CADPS2: variants seen among roughly 807,000 people sequenced by gnomAD.
CADPS2 encodes calcium-dependent secretion activator 2.
In CADPS2, 93 loss-of-function variants were observed where a neutral mutation model predicts 172.5. The observed-to-expected ratio is 0.54, with a 90% confidence interval of 0.46 to 0.64. CADPS2 has a LOEUF of 0.64. Ranked by LOEUF, CADPS2 falls within the 30% of genes least tolerant of loss-of-function variation. The pLI is 0.00. For missense variants in CADPS2, 1,420 were observed against 1,565.9 expected, an observed-to-expected ratio of 0.91 and a Z score of 1.57; for synonymous variants, 546 against 555.2, an observed-to-expected ratio of 0.98 and a Z score of 0.23.
intron 2 of CADPS2, among the ~76,000 whole-genome samples, chr7:122,732,433 C>A (rs1053995871): frequency 1.3e-5 from 2 of 150,070 alleles, no homozygotes; most frequent in African/African-American, 4.9e-5. Context: ...AAATAGCAAT[C>A]ATAAAGCTGA....
intron 1 of CADPS2, among the ~76,000 whole-genome samples, chr7:122,776,944 A>G (rs577769757): frequency 2.6e-4 from 40 of 152,258 alleles, no homozygotes; most frequent in Middle Eastern, 3.4e-3. Context: ...TGAGCCCAGG[A>G]AAAGGAGACC....
chr7:122,428,524 G>A lies in CADPS2; in HGVS notation c.2476+9817C>T, dbSNP rs567298394. Among the ~76,000 whole-genome samples the A allele has an allele frequency of 7.9e-4, 118 of 150,160 alleles. 2 individuals are homozygous for A. Among genetic ancestry groups the A allele is most frequent in the African/African-American group, 2.8e-3 (113 of 40,884 alleles). ...CTGTTGTTGCCCAGGCTGGAGTACA[G>A]TGGCGCAATCACGGCTCACTGCAAC... On this transcript the variant is annotated intron_variant, in intron 17 of 29. Transcript: ENST00000449022.
At chr7:122,722,395 A>G (rs2090528781) in intron 2 of CADPS2, among the ~76,000 whole-genome samples, 1 of 149,512 alleles carries the variant, frequency 6.7e-6, no homozygotes, top group Admixed American at 6.6e-5. Flanking sequence ...TTCTACACCA[A>G]TAACAGACAA....
chr7:122,741,479 T>A (rs1348022072), intron 1 of CADPS2, among the ~76,000 whole-genome samples: 1 of 152,190 alleles, frequency 6.6e-6, no homozygotes, highest in Non-Finnish European at 1.5e-5. Flanking sequence ...TATGAAGCAC[T>A]GTGAATACCT....
At chr7:122,493,720 CTTTTTTT>C (rs10544810) in intron 9 of CADPS2, among the ~76,000 whole-genome samples, 11 of 131,580 alleles carry the variant, frequency 8.4e-5, no homozygotes, top group Admixed American at 6.8e-4. Flanking sequence ...TATGTTTAAT[CTTTTTTT>C]TTTTTTTTTT....
chr7:122,670,138 A>C (rs1007479005), intron 2 of CADPS2, among the ~76,000 whole-genome samples: 5 of 151,852 alleles, frequency 3.3e-5, no homozygotes, highest in African/African-American at 1.2e-4. Flanking sequence ...CAGCCACCCT[A>C]TTCCCACTAC....
At chr7:122,854,856 C>T (rs1399343342) in intron 1 of CADPS2, among the ~76,000 whole-genome samples, 1 of 152,180 alleles carries the variant, frequency 6.6e-6, no homozygotes, top group Non-Finnish European at 1.5e-5. Flanking sequence ...TTAGATACTA[C>T]TTAGTTTAAT....
At chr7:122,795,847 A>G (rs1796263727) in intron 1 of CADPS2, among the ~76,000 whole-genome samples, 1 of 152,168 alleles carries the variant, frequency 6.6e-6, no homozygotes. Context: ...ACAGTATGGG[A>G]AGTCCTGGCC....
intron 2 of CADPS2, 57 bp downstream of exon 2, chr7:122,736,898 A>T: frequency 1.1e-6 from 1 of 909,044 alleles, no homozygotes; most frequent in Non-Finnish European, 1.8e-6. Flanking sequence ...CCATAAAAAT[A>T]ATAAAACTCC....
intron 11 of CADPS2, among the ~76,000 whole-genome samples, chr7:122,485,935 A>G (rs904620530): frequency 1.3e-5 from 2 of 152,150 alleles, no homozygotes; most frequent in African/African-American, 4.8e-5. Context: ...TGTGCTCTAT[A>G]ACTGAAAGAA....
intron 1 of CADPS2, among the ~76,000 whole-genome samples, chr7:122,873,106 CCCACCTA>C (rs1307505736): frequency 1.3e-5 from 2 of 152,120 alleles, no homozygotes; most frequent in Non-Finnish European, 2.9e-5. Flanking sequence ...GAAAGTAAAA[CCCACCTA>C]CTGTACTTGG....
At chr7:122,752,942 CAAG>C (rs1207466450) in intron 1 of CADPS2, among the ~76,000 whole-genome samples, 1 of 152,182 alleles carries the variant, frequency 6.6e-6, no homozygotes, top group East Asian at 1.9e-4. Context: ...AGGAAGGAAA[CAAG>C]AAGAAGATGG....
chr7:122,828,059 T>C (rs1308218490), intron 1 of CADPS2, among the ~76,000 whole-genome samples: 1 of 152,184 alleles, frequency 6.6e-6, no homozygotes, highest in African/African-American at 2.4e-5. Flanking sequence ...TTCAGTTCTA[T>C]TAATGTTCAC....
At chr7:122,727,249 C>A (rs779481119) in intron 2 of CADPS2, among the ~76,000 whole-genome samples, 14 of 151,858 alleles carry the variant, frequency 9.2e-5, no homozygotes, top group Non-Finnish European at 1.5e-4. Flanking sequence ...CATCTCAGAT[C>A]TGTCAAGGTC....
chr7:122,548,860 A>C (rs2063899014), intron 8 of CADPS2, among the ~76,000 whole-genome samples: 1 of 152,172 alleles, frequency 6.6e-6, no homozygotes, highest in African/African-American at 2.4e-5. Flanking sequence ...GGACATAGAG[A>C]GAAGACAAAA....
At chr7:122,373,685 C>G (rs2042024738) in intron 25 of CADPS2, among the ~76,000 whole-genome samples, 1 of 151,912 alleles carries the variant, frequency 6.6e-6, no homozygotes, top group Non-Finnish European at 1.5e-5. Flanking sequence ...AAACATGACA[C>G]CATCAAAAGA....
chr7:122,527,605 AGAGAGAGAGAGAGTGT>A (rs1284829814), intron 8 of CADPS2, among the ~76,000 whole-genome samples: 8 of 123,386 alleles, frequency 6.5e-5, no homozygotes, highest in African/African-American at 2.6e-4. Flanking sequence ...AGAGAGAGAG[AGAGAGAGAGAGAGTGT>A]GTGTGTGTGT....
At chr7:122,821,660 T>C (rs1040307211) in intron 1 of CADPS2, among the ~76,000 whole-genome samples, 2 of 152,158 alleles carry the variant, frequency 1.3e-5, no homozygotes, top group African/African-American at 4.8e-5. Flanking sequence ...TGATAACAGG[T>C]GAGCCTTTAT....
At chr7:122,363,222 T>G (rs2040415596) in intron 25 of CADPS2, among the ~76,000 whole-genome samples, 1 of 152,328 alleles carries the variant, frequency 6.6e-6, no homozygotes, top group South Asian at 2.1e-4. Flanking sequence ...AATGGCCCTC[T>G]GTGGAAAATG....
Sources: allele counts gnomAD v4.1 joint callset (sites outside exome capture counted in the v4.1 genomes callset), GRCh38; gene constraint gnomAD v4.1.1; transcripts MANE v1.5; gene names NCBI Gene and HGNC (gene_info 2026-07-23, HGNC 2026-07-21).